Variants in HNF1B observed in about 807,000 individuals in gnomAD.
The protein encoded by HNF1B is HNF1 homeobox B, also known as hepatocyte nuclear factor 1-beta.
HNF1B carries 8 observed loss-of-function variants against 61.7 expected under a neutral mutation model. The observed-to-expected ratio is 0.13, with a 90% CI of 0.08 to 0.23. The LOEUF (loss-of-function observed/expected upper bound fraction) is 0.23. Among genes scored for constraint, HNF1B ranks in the 10% least tolerant of loss-of-function variants. The pLI, the probability that HNF1B is intolerant of heterozygous loss-of-function variation, is 1.00. For missense variants in HNF1B, 562 were observed against 714.5 expected (o/e 0.79, Z 2.43); for synonymous variants, 314 against 287.7 (o/e 1.09, Z -0.93).
chr17:37,738,429 A>T (rs1158716994), intron 2 of HNF1B, among the ~76,000 whole-genome samples: 1 of 152,254 alleles, frequency 6.6e-6, no homozygotes, highest in East Asian at 1.9e-4. Context: ...CATTTTAAAA[A>T]GCAACAGGGA....
chr17:37,723,610 T>C (rs2033396136), intron 4 of HNF1B, among the ~76,000 whole-genome samples: 1 of 152,122 alleles, frequency 6.6e-6, no homozygotes, highest in African/African-American at 2.4e-5. Context: ...TCATACCCAA[T>C]GTGCTGCAAC....
intron 4 of HNF1B, among the ~76,000 whole-genome samples, chr17:37,721,343 A>G (rs1290388542): frequency 1.3e-5 from 2 of 152,102 alleles, no homozygotes; most frequent in South Asian, 2.1e-4. Context: ...AGAGAAGGAG[A>G]GAGAGACAAT....
chr17:37,716,110 C>T (rs984753053), intron 4 of HNF1B, among the ~76,000 whole-genome samples: 52 of 152,320 alleles, frequency 3.4e-4, no homozygotes, highest in African/African-American at 9.6e-4. Flanking sequence ...GATCGTGCCA[C>T]TGCACTCCAG....
intron 8 of HNF1B, among the ~76,000 whole-genome samples, chr17:37,695,102 G>A (rs944458017): frequency 1.3e-5 from 2 of 152,198 alleles, no homozygotes; most frequent in African/African-American, 4.8e-5. Context: ...TCCCACTAGA[G>A]GCCCAGAGGC....
chr17:37,717,759 C>T (rs1317082889), intron 4 of HNF1B, among the ~76,000 whole-genome samples: 1 of 152,182 alleles, frequency 6.6e-6, no homozygotes, highest in Non-Finnish European at 1.5e-5. Flanking sequence ...TTGAGAACTC[C>T]AGAAATGAAA....
At chr17:37,741,039 A>G (rs1319749180) in intron 1 of HNF1B, among the ~76,000 whole-genome samples, 1 of 152,176 alleles carries the variant, frequency 6.6e-6, no homozygotes, top group Non-Finnish European at 1.5e-5. Flanking sequence ...ACTTACAAAA[A>G]CCAGCACCCC....
intron 4 of HNF1B, among the ~76,000 whole-genome samples, chr17:37,726,976 C>G (rs746018027): frequency 4.6e-5 from 7 of 152,150 alleles, no homozygotes; most frequent in Non-Finnish European, 8.8e-5. Flanking sequence ...CTCTCCTCCT[C>G]AAGGTAGTGG....
At position 37,700,991 on chromosome 17, in the gene HNF1B, T is replaced by C; in HGVS notation, c.1526A>G (p.Asn509Ser). Residue 509 changes from asparagine (N) to serine (S), a missense_variant, in exon 7 of 9, where the codon AAC (asparagine) becomes AGC (serine). Coordinates refer to ENST00000617811, the MANE Select transcript of HNF1B (RefSeq NM_000458.4). Reference protein sequence around the residue: ...PFMAAVTQLQNSHMYAHKQEP... With the variant: ...PFMAAVTQLQSSHMYAHKQEP... ...CATGCCCGTGTCCTTACTGTGTGAG[T>C]TCTGCAGCTGAGTCACAGCTGCCAT... is the stretch of plus-strand genomic sequence containing the variant. 6.4e-7 allele frequency: 1 copy of C among 1,556,284 alleles called. No homozygotes were observed. Among genetic ancestry groups the C allele is most frequent in the Non-Finnish European group, 8.7e-7 (1 of 1,149,716 alleles).
Position 37,710,630 on chromosome 17 carries a change from A to G in HNF1B, c.1079T>C (p.Ile360Thr). 1 of 1,614,008 alleles carries G rather than the reference A, an allele frequency of 6.2e-7. No individual in the cohort carries two copies. ...GTGACTGATTGTTGAGGAGGAAGTG[A>G]TCTCATTGTTTCCCTGCTGGCTGTA... ...VRYSQQGNNEITSSSTISHHG... is the reference protein window; with the variant it reads ...VRYSQQGNNETTSSSTISHHG... The change falls in exon 5 of 9, where the codon ATC becomes ACC. Residue 360 changes from isoleucine (I) to threonine (T), a missense_variant. This residue lies in a region of HNF1B where 211 missense variants were observed against 200.7 expected (regional missense o/e 1.05). Transcript: ENST00000617811.
chr17:37,739,884 AG>A (rs1336769015), intron 1 of HNF1B, among the ~76,000 whole-genome samples: 1 of 152,152 alleles, frequency 6.6e-6, no homozygotes, highest in South Asian at 2.1e-4. Flanking sequence ...TCCCATCTTC[AG>A]GAATAAAAAA....
At chr17:37,744,116 C>T (rs1191713644) in intron 1 of HNF1B, among the ~76,000 whole-genome samples, 1 of 152,256 alleles carries the variant, frequency 6.6e-6, no homozygotes, top group Admixed American at 6.5e-5. Context: ...TGCGGCTTTC[C>T]AGACCCGAGG....
rs925595786 is a variant in HNF1B at position 37,739,467 on chromosome 17, C to T, written c.517G>A (p.Val173Ile). 2.0e-5 allele frequency: 32 copies of T among 1,614,046 alleles called. No homozygotes were observed. The highest frequency in any genetic ancestry group is 6.7e-5 in the Admixed American group (4 of 60,000). Reference sequence around the variant, plus strand: ...CGGAGGATCTCTCGTTGCTTTCTGACGTACCAGGTGTACAGAGCGGCACGC... The same window carrying T: ...CGGAGGATCTCTCGTTGCTTTCTGATGTACCAGGTGTACAGAGCGGCACGC... ...QKRAALYTWYVRKQREILRQF... is the reference protein window; with the variant it reads ...QKRAALYTWYIRKQREILRQF... The change falls in exon 2 of 9, where the codon GTC (valine) becomes ATC (isoleucine). Residue 173 changes from valine to isoleucine, a missense_variant. Coordinates refer to ENST00000617811, the MANE Select transcript of HNF1B (RefSeq NM_000458.4).
intron 4 of HNF1B, among the ~76,000 whole-genome samples, chr17:37,719,202 T>C (rs1298481249): frequency 6.6e-6 from 1 of 152,112 alleles, no homozygotes; most frequent in African/African-American, 2.4e-5. Context: ...TGGGCTCAAG[T>C]AGTCCTTCTG....
chr17:37,730,499 T>G (rs947769207), intron 4 of HNF1B: 1 of 152,222 alleles, frequency 6.6e-6, no homozygotes, highest in African/African-American at 2.4e-5. Context: ...GAAGAGGCAG[T>G]GCTATGGGAG....
At chr17:37,690,199 A>G (rs1233969617) in intron 8 of HNF1B, among the ~76,000 whole-genome samples, 3 of 152,218 alleles carry the variant, frequency 2.0e-5, no homozygotes, top group Non-Finnish European at 4.4e-5. Flanking sequence ...GCATGTAAAA[A>G]TGCACAGAAA....
chr17:37,738,232 C>A lies in HNF1B; in HGVS notation c.544+1208G>T, dbSNP rs542453042. On this transcript the variant is annotated intron_variant, in intron 2 of 8. Coordinates refer to ENST00000617811, the MANE Select transcript of HNF1B (RefSeq NM_000458.4). The stretch of plus-strand genomic sequence containing the variant: ...CCAACCCATTCTTGGAAAGGTCTCT[C>A]GCTCTAAGCAGCAAACAGCTCTCAT... Among the ~76,000 whole-genome samples the A allele has an allele frequency of 2.0e-5, 3 of 152,334 alleles. No homozygotes were observed. In the East Asian group the frequency reaches 5.8e-4, roughly 29 times the overall value.
chr17:37,725,395 G>A (rs1598833409), intron 4 of HNF1B, among the ~76,000 whole-genome samples: 1 of 152,332 alleles, frequency 6.6e-6, no homozygotes, highest in South Asian at 2.1e-4. Context: ...GCAGACCAGG[G>A]CTGGTCCCCT....
In HNF1B at chr17:37,713,802, G is replaced by A. The variant is rs146997136; in HGVS notation, c.1046-3139C>T. On this transcript the variant is annotated intron_variant, in intron 4 of 8. Transcript: ENST00000617811. ...CAGATCCACCTGCAGGTGTTCCCAC[G>A]ATGCTCCTCTCACCAAGCATGTGGC... Among the ~76,000 whole-genome samples the A allele has an allele frequency of 1.1e-4, 16 of 152,316 alleles. No individual in the cohort carries two copies. In the East Asian group the frequency reaches 1.9e-3, roughly 18 times the overall value.
chr17:37,712,072 G>C (rs945758958), intron 4 of HNF1B, among the ~76,000 whole-genome samples: 1 of 152,230 alleles, frequency 6.6e-6, no homozygotes, highest in African/African-American at 2.4e-5. Context: ...ATATGACCTA[G>C]AGCTTAAGAG....
Sources: gnomAD v4.1 joint callset for allele counts (sites outside exome capture counted in the v4.1 genomes callset) on GRCh38, gnomAD v4.1.1 for gene constraint, gnomAD v4.1.1 regional missense constraint, MANE v1.5 for transcripts, NCBI Gene and HGNC (gene_info 2026-07-23, HGNC 2026-07-21) for gene names.